The following MYO10 variants were observed in gnomAD, a reference collection of about 807,000 sequenced individuals.
MYO10 encodes unconventional myosin-X.
In MYO10, 133 loss-of-function variants were observed where a neutral mutation model predicts 257.3. The ratio of observed to expected loss-of-function variants is 0.52; its 90% CI spans 0.45 to 0.60. The LOEUF (loss-of-function observed/expected upper bound fraction) is 0.60, where lower values mean the gene tolerates loss of function less well. Ranked by LOEUF, MYO10 falls within the 20% of genes least tolerant of loss-of-function variation. MYO10 has a pLI of 0.00. For synonymous variants in MYO10, 1,104 were observed against 1,028.6 expected, an observed-to-expected ratio of 1.07 and a Z score of -1.40; for missense variants, 2,399 against 2,635.7, an observed-to-expected ratio of 0.91 and a Z score of 1.97.
intron 1 of MYO10, among the ~76,000 whole-genome samples, chr5:16,885,966 T>C (rs115846815): frequency 0.018 from 2,677 of 152,206 alleles, 41 homozygotes; most frequent in Middle Eastern, 0.037. Flanking sequence ...GTCCTTGCCA[T>C]AGAGTACTCA....
At chr5:16,730,098 C>T (rs1739523239) in intron 19 of MYO10, among the ~76,000 whole-genome samples, 1 of 152,028 alleles carries the variant, frequency 6.6e-6, no homozygotes, top group African/African-American at 2.4e-5. Flanking sequence ...ATAACAGATG[C>T]TCATTGAAAA....
chr5:16,821,329 T>C (rs894949234), intron 2 of MYO10, among the ~76,000 whole-genome samples: 2 of 150,120 alleles, frequency 1.3e-5, no homozygotes, highest in Non-Finnish European at 3.0e-5. Flanking sequence ...AGCAAAATCA[T>C]GTATAGCCCA....
At chr5:16,756,046 C>G (rs1740519264) in intron 18 of MYO10, among the ~76,000 whole-genome samples, 3 of 152,080 alleles carry the variant, frequency 2.0e-5, no homozygotes. Context: ...TCAACTGCTT[C>G]AAATTTTATG....
intron 19 of MYO10, among the ~76,000 whole-genome samples, chr5:16,712,952 G>A (rs562659614): frequency 3.9e-5 from 6 of 152,236 alleles, no homozygotes; most frequent in African/African-American, 9.6e-5. Flanking sequence ...TTAAAAATGC[G>A]GGTTGGGGGG....
At chr5:16,699,786 CAAAAAA>C (rs1203905060) in intron 25 of MYO10, 22 of 53,288 alleles carry the variant, frequency 4.1e-4, no homozygotes, top group African/African-American at 1.0e-3. Flanking sequence ...GCCTCAGTCT[CAAAAAA>C]AAAAAAAAAA....
At chr5:16,671,012 C>T (rs745714453) in intron 38 of MYO10, 34 bp from the exon 39 acceptor site, 57 of 1,558,028 alleles carry the variant, frequency 3.7e-5, no homozygotes, top group East Asian at 9.1e-5. Context: ...TTCCGGTCAA[C>T]GCACTGCCAT....
chr5:16,792,089 C>A lies in MYO10; in HGVS notation c.467+2557G>T, dbSNP rs73756264. ...AGTACCTCTGCCCATATGCTCCCCTCCTGTTAGACACACACATACATACAC... is the reference window on the plus strand; with the variant it reads ...AGTACCTCTGCCCATATGCTCCCCTACTGTTAGACACACACATACATACAC... On this transcript the variant is annotated intron_variant, in intron 4 of 40. Transcript: ENST00000513610. Among the ~76,000 whole-genome samples, 1,058 of 149,556 alleles carry A rather than the reference C, an allele frequency of 7.1e-3. 9 individuals carry two copies. Among genetic ancestry groups the A allele is most frequent in the African/African-American group, 0.025 (1,009 of 40,616 alleles).
At chr5:16,718,725 T>C (rs951601596) in intron 19 of MYO10, among the ~76,000 whole-genome samples, 1 of 152,044 alleles carries the variant, frequency 6.6e-6, no homozygotes, top group African/African-American at 2.4e-5. Context: ...AGAACCTTTA[T>C]GTCTAGCTCA....
rs1736426035 is a variant in MYO10 at position 16,670,926 on chromosome 5, T to C, written c.5483A>G (p.Gln1828Arg). ...GHHPAPEENL[Q>R]VLAALRLQYL... The stretch of plus-strand genomic sequence containing the variant: ...CTGGAGTCGCAGGGCAGCAAGAACC[T>C]GGAGGTTTTCTTCCGGGGCTGGATG... The change falls in exon 39 of 41, where the codon CAG becomes CGG. Residue 1828 changes from glutamine (Q) to arginine (R), a missense_variant. Physicochemically the swap from Gln to Arg is conservative, Grantham distance 43. Coordinates refer to ENST00000513610, the MANE Select transcript of MYO10 (RefSeq NM_012334.3). 1 of 1,613,606 alleles carries C rather than the reference T, an allele frequency of 6.2e-7. No individual in the cohort carries two copies. The highest frequency in any genetic ancestry group is 1.7e-5 in the Admixed American group (1 of 59,990).
rs926060432 is a variant in MYO10 at position 16,845,742 on chromosome 5, G to T, written c.121-27575C>A. Among the ~76,000 whole-genome samples, 55 of 152,042 alleles carry T rather than the reference G, an allele frequency of 3.6e-4. 1 individual carries two copies. Among genetic ancestry groups the T allele is most frequent in the African/African-American group, 1.0e-3 (43 of 41,404 alleles). On this transcript the variant is annotated intron_variant, in intron 2 of 40. Transcript: ENST00000513610. ...GTACTTTGGGAGGCCGAGGCGGGTGGATCACAAGGTCAAGATATTGAGACC... is the reference window on the plus strand; with the variant it reads ...GTACTTTGGGAGGCCGAGGCGGGTGTATCACAAGGTCAAGATATTGAGACC...
intron 1 of MYO10, among the ~76,000 whole-genome samples, chr5:16,909,428 C>A (rs762075491): frequency 4.0e-5 from 6 of 150,994 alleles, no homozygotes; most frequent in Non-Finnish European, 8.8e-5. Context: ...ATCGCTTGAA[C>A]CCAGGAGACG....
At position 16,675,096 on chromosome 5, in the gene MYO10, T is replaced by C; in HGVS notation, c.4721A>G (p.Asn1574Ser). ...CATGGACTCCAGTTGCTGCAGGGAA[T>C]TGAATATCTTGATGGCCTCATCCTG... The part of the protein sequence containing the change: ...TLQDEAIKIF[N>S]SLQQLESMSD... The change falls in exon 35 of 41, where the codon AAT becomes AGT. Residue 1574 changes from asparagine (N) to serine (S), a missense_variant. Physicochemically the swap from Asn to Ser is conservative, Grantham distance 46. Around this residue, in one of 3 missense-constraint regions of MYO10, gnomAD observed 1,820 missense variants for 1,939.4 expected, o/e 0.94. Coordinates refer to ENST00000513610, the MANE Select transcript of MYO10 (RefSeq NM_012334.3). 2.5e-6 allele frequency: 4 copies of C among 1,613,940 alleles called. No individual in the cohort carries two copies. Among genetic ancestry groups the C allele is most frequent in the East Asian group, 2.2e-5 (1 of 44,874 alleles).
chr5:16,764,418 A>G, intron 11 of MYO10, 22 bp from the exon 12 acceptor site: 2 of 1,612,516 alleles, frequency 1.2e-6, no homozygotes, highest in Non-Finnish European at 1.7e-6. Flanking sequence ...AAACCAGCAC[A>G]GACTCAGCTG....
At chr5:16,810,210 A>G (rs1742395512) in intron 3 of MYO10, among the ~76,000 whole-genome samples, 1 of 152,092 alleles carries the variant, frequency 6.6e-6, no homozygotes, top group Non-Finnish European at 1.5e-5. Context: ...ACAGGCACCT[A>G]AAAAACACTT....
intron 2 of MYO10, among the ~76,000 whole-genome samples, chr5:16,827,192 G>T (rs564641473): frequency 3.8e-4 from 58 of 152,166 alleles, no homozygotes; most frequent in Non-Finnish European, 7.2e-4. Flanking sequence ...CTCTGCTAGC[G>T]TGCGGAGGAA....
At chr5:16,852,225 G>C (rs907278006) in intron 2 of MYO10, among the ~76,000 whole-genome samples, 12 of 129,472 alleles carry the variant, frequency 9.3e-5, no homozygotes, top group Non-Finnish European at 1.4e-4. Context: ...ATACAATTGA[G>C]AGTACAGGCT....
At chr5:16,894,273 C>G (rs1745159286) in intron 1 of MYO10, among the ~76,000 whole-genome samples, 1 of 152,144 alleles carries the variant, frequency 6.6e-6, no homozygotes, top group African/African-American at 2.4e-5. Flanking sequence ...CTTTGATAGC[C>G]TTGACGGTTT....
Position 16,812,879 on chromosome 5 carries a change from G to A in MYO10, c.279+5130C>T, listed in dbSNP as rs866743111. Among the ~76,000 whole-genome samples the A allele has an allele frequency of 5.9e-5, 9 of 151,632 alleles. 1 individual carries two copies. The highest frequency in any genetic ancestry group is 6.8e-3 in the Middle Eastern group (2 of 292). ...ATACGGAGCCAAAGAGGAGGTTAGT[G>A]AAGAAAAGGGAAGATCAACTCTAAC... On this transcript the variant is annotated intron_variant, in intron 3 of 40. Transcript: ENST00000513610.
At chr5:16,683,966 G>C (rs760882514) in intron 29 of MYO10, 31 bp from the exon 30 acceptor site, 2 of 1,605,776 alleles carry the variant, frequency 1.2e-6, no homozygotes, top group Non-Finnish European at 1.7e-6. Context: ...AACAGAATGA[G>C]AGAAGCACTA....
Sources: allele counts gnomAD v4.1 joint callset (sites outside exome capture counted in the v4.1 genomes callset), GRCh38; gene constraint gnomAD v4.1.1; regional missense constraint gnomAD v4.1.1; transcripts MANE v1.5; gene names NCBI Gene and HGNC (gene_info 2026-07-23, HGNC 2026-07-21).